SGCZ: variants seen among roughly 807,000 people sequenced by gnomAD.
SGCZ encodes the protein sarcoglycan zeta, also known as zeta-sarcoglycan.
In SGCZ, 40 loss-of-function variants were observed where a neutral mutation model predicts 41.3. The observed-to-expected ratio is 0.97, with a 90% confidence interval of 0.75 to 1.26. SGCZ has a LOEUF of 1.26. Among genes scored for constraint, SGCZ ranks in the 50% most tolerant of loss-of-function variants. The pLI, the probability that SGCZ is intolerant of heterozygous loss-of-function variation, is 0.00. For synonymous variants in SGCZ, 206 were observed against 137.5 expected (o/e 1.50, Z -3.49); for missense variants, 552 against 369.8 (o/e 1.49, Z -4.04).
At chr8:14,306,482 A>G (rs72604001) in intron 3 of SGCZ, among the ~76,000 whole-genome samples, 37,558 of 152,110 alleles carry the variant, frequency 0.25, 4,853 homozygotes, top group South Asian at 0.33. Context: ...ATTATTTTCC[A>G]GTTTATCTCT....
At chr8:15,099,881 G>A (rs1806535200) in intron 1 of SGCZ, among the ~76,000 whole-genome samples, 2 of 151,580 alleles carry the variant, frequency 1.3e-5, no homozygotes, top group South Asian at 2.1e-4. Flanking sequence ...TGCAGAAAAA[G>A]CATTTGAAAA....
At chr8:14,259,427 G>A (rs1799575925) in intron 3 of SGCZ, among the ~76,000 whole-genome samples, 1 of 150,564 alleles carries the variant, frequency 6.6e-6, no homozygotes, top group Non-Finnish European at 1.5e-5. Context: ...TTTCTTCTAG[G>A]GTTTTTATGG....
intron 1 of SGCZ, among the ~76,000 whole-genome samples, chr8:14,691,790 A>C (rs1808806705): frequency 6.6e-6 from 1 of 151,464 alleles, no homozygotes; most frequent in African/African-American, 2.4e-5. Flanking sequence ...ACTGCAATAA[A>C]ATTTTTTTTG....
At chr8:14,199,190 T>G (rs1003804241) in intron 4 of SGCZ, among the ~76,000 whole-genome samples, 6 of 152,136 alleles carry the variant, frequency 3.9e-5, no homozygotes, top group African/African-American at 1.4e-4. Flanking sequence ...GGAACATCCC[T>G]GAGAAAGAGA....
chr8:14,157,295 T>C (rs1156699345), intron 5 of SGCZ, among the ~76,000 whole-genome samples: 1 of 148,340 alleles, frequency 6.7e-6, no homozygotes, highest in Non-Finnish European at 1.5e-5. Context: ...ACATATTATA[T>C]TTAATATACA....
chr8:14,362,834 C>A (rs1010287116), intron 2 of SGCZ, among the ~76,000 whole-genome samples: 2 of 152,110 alleles, frequency 1.3e-5, no homozygotes, highest in African/African-American at 2.4e-5. Flanking sequence ...TGGAAGCTAC[C>A]CTACACGATT....
At chr8:14,281,440 GGTA>G (rs1800434003) in intron 3 of SGCZ, among the ~76,000 whole-genome samples, 1 of 141,838 alleles carries the variant, frequency 7.1e-6, no homozygotes, top group Admixed American at 7.2e-5. Context: ...TATCCACTAA[GGTA>G]GTGATTCTTA....
chr8:14,307,172 G>GA (rs529466584), intron 3 of SGCZ, among the ~76,000 whole-genome samples: 23 of 152,194 alleles, frequency 1.5e-4, no homozygotes, highest in African/African-American at 4.1e-4. Context: ...TCAGACACAT[G>GA]AAAAAATAGG....
intron 1 of SGCZ, among the ~76,000 whole-genome samples, chr8:15,120,795 C>G (rs1035566281): frequency 1.3e-5 from 2 of 152,122 alleles, no homozygotes; most frequent in Admixed American, 1.3e-4. Flanking sequence ...TCCCAAATCT[C>G]TCAAACTTTT....
intron 4 of SGCZ, among the ~76,000 whole-genome samples, chr8:14,221,014 A>AC: frequency 6.6e-6 from 1 of 151,926 alleles, no homozygotes; most frequent in East Asian, 1.9e-4. Flanking sequence ...TAATATAGAA[A>AC]AAAAAAATAG....
intron 2 of SGCZ, among the ~76,000 whole-genome samples, chr8:14,489,230 G>A (rs1054872665): frequency 6.6e-6 from 1 of 151,686 alleles, no homozygotes; most frequent in African/African-American, 2.4e-5. Context: ...AATTAGAACG[G>A]GAACAACGAT....
At chr8:14,265,059 A>G (rs1799825950) in intron 3 of SGCZ, among the ~76,000 whole-genome samples, 1 of 152,230 alleles carries the variant, frequency 6.6e-6, no homozygotes, top group South Asian at 2.1e-4. Context: ...GTGTCATTGC[A>G]TATCCACAAA....
intron 1 of SGCZ, among the ~76,000 whole-genome samples, chr8:14,681,595 C>A (rs566592811): frequency 1.3e-5 from 2 of 152,248 alleles, no homozygotes; most frequent in Admixed American, 6.5e-5. Flanking sequence ...CTTCGAAATA[C>A]CTCATTCATA....
intron 1 of SGCZ, among the ~76,000 whole-genome samples, chr8:14,966,436 C>A (rs1484485386): frequency 6.6e-6 from 1 of 151,592 alleles, no homozygotes; most frequent in African/African-American, 2.4e-5. Flanking sequence ...TATATAAATT[C>A]TTAAAAGTGA....
rs1484570191 is a variant in SGCZ at position 14,795,353 on chromosome 8, T to G, written c.40-240427A>C. ...GCATAGATGACACCCATAATTCACTTATAATGTATGACTTCAATTTCTTCT... is the reference window on the plus strand; with the variant it reads ...GCATAGATGACACCCATAATTCACTGATAATGTATGACTTCAATTTCTTCT... On this transcript the variant is annotated intron_variant, in intron 1 of 7. Transcript: ENST00000382080. Among the ~76,000 whole-genome samples, 3 of 152,326 alleles carry G rather than the reference T, an allele frequency of 2.0e-5. No individual in the cohort carries two copies. The East Asian group carries it at 5.8e-4, about 29-fold the overall frequency.
At chr8:14,804,390 T>G in intron 1 of SGCZ, among the ~76,000 whole-genome samples, 2 of 130,416 alleles carry the variant, frequency 1.5e-5, no homozygotes, top group South Asian at 2.9e-4. Context: ...TTAAAGGAGC[T>G]GATGGAGCTG....
intron 1 of SGCZ, among the ~76,000 whole-genome samples, chr8:15,236,322 G>C (rs1280822338): frequency 6.6e-6 from 1 of 152,192 alleles, no homozygotes; most frequent in Non-Finnish European, 1.5e-5. Context: ...CACAGGACAG[G>C]CTGCAGACAG....
intron 1 of SGCZ, among the ~76,000 whole-genome samples, chr8:14,995,746 C>A (rs970211291): frequency 3.9e-5 from 6 of 152,146 alleles, no homozygotes; most frequent in African/African-American, 1.4e-4. Flanking sequence ...GCATTTCACA[C>A]AAAGTGTTAA....
At chr8:15,038,581 A>T (rs1803952369) in intron 1 of SGCZ, among the ~76,000 whole-genome samples, 2 of 152,048 alleles carry the variant, frequency 1.3e-5, no homozygotes, top group Admixed American at 6.6e-5. Flanking sequence ...CCAAACGCAC[A>T]GGCAAAAAAG....
Sources: gnomAD v4.1 joint callset for allele counts (sites outside exome capture counted in the v4.1 genomes callset) on GRCh38, gnomAD v4.1.1 for gene constraint, MANE v1.5 for transcripts, NCBI Gene and HGNC (gene_info 2026-07-23, HGNC 2026-07-21) for gene names.